CAMK1D: variants seen among roughly 807,000 people sequenced by gnomAD.
CAMK1D encodes the protein calcium/calmodulin dependent protein kinase ID.
CAMK1D carries 9 observed loss-of-function variants against 47.7 expected under a neutral mutation model. The ratio of observed to expected loss-of-function variants is 0.19; its 90% CI spans 0.11 to 0.33. The LOEUF is 0.33. Among genes scored for constraint, CAMK1D ranks in the 10% least tolerant of loss-of-function variants. The pLI is 1.00. For synonymous variants in CAMK1D, 184 were observed against 184.9 expected, an observed-to-expected ratio of 0.99 and a Z score of 0.04; for missense variants, 291 against 488.7, an observed-to-expected ratio of 0.60 and a Z score of 3.81.
chr10:12,693,781 A>G (rs1833029652), intron 3 of CAMK1D, among the ~76,000 whole-genome samples: 2 of 148,796 alleles, frequency 1.3e-5, no homozygotes, highest in Non-Finnish European at 3.0e-5. Context: ...CAATTCCTCA[A>G]AATAAATCCT....
intron 5 of CAMK1D, among the ~76,000 whole-genome samples, chr10:12,789,280 C>T (rs1473045819): frequency 6.7e-6 from 1 of 148,876 alleles, no homozygotes; most frequent in Non-Finnish European, 1.5e-5. Context: ...AGGCCCAAGA[C>T]AATTCTTCTT....
intron 2 of CAMK1D, among the ~76,000 whole-genome samples, chr10:12,571,262 C>T (rs1248269184): frequency 1.4e-5 from 2 of 142,970 alleles, no homozygotes; most frequent in South Asian, 2.1e-4. Context: ...CTGGCCAGCA[C>T]AGTGAAACCC....
Position 12,600,719 on chromosome 10 carries a change from A to G in CAMK1D, c.224+47363A>G, listed in dbSNP as rs139340427. Among the ~76,000 whole-genome samples, 300 of 152,340 alleles carry G rather than the reference A, an allele frequency of 2.0e-3. 1 individual carries two copies. The highest frequency in any genetic ancestry group is 6.8e-3 in the African/African-American group (282 of 41,580). ...TGAATTCTGAGCTTTTGGTGTAACC[A>G]TCACCCAAATCATGTACATTGTACC... On this transcript the variant is annotated intron_variant, in intron 2 of 10. Coordinates refer to ENST00000619168, the MANE Select transcript of CAMK1D (RefSeq NM_153498.4).
chr10:12,389,473 G>A (rs893651665), intron 1 of CAMK1D, among the ~76,000 whole-genome samples: 2 of 152,154 alleles, frequency 1.3e-5, no homozygotes, highest in African/African-American at 4.8e-5. Context: ...AGGGTCGAGG[G>A]CTTGGAGCAT....
chr10:12,753,920 C>T (rs547713960), intron 3 of CAMK1D, among the ~76,000 whole-genome samples: 4 of 152,192 alleles, frequency 2.6e-5, no homozygotes, highest in South Asian at 2.1e-4. Flanking sequence ...GACAGAGTTT[C>T]GCTCTTGTTG....
At position 12,666,825 on chromosome 10, in the gene CAMK1D, T is replaced by C; in HGVS notation, c.299+15T>C. 1 of 1,605,848 alleles carries C rather than the reference T, an allele frequency of 6.2e-7. No homozygotes were observed. Among genetic ancestry groups the C allele is most frequent in the East Asian group, 2.2e-5 (1 of 44,834 alleles). ...GTCATGCAGCTGTAAGTACCTTGTTTGATTGATGAGTTTTGAACCAACTTG... is the reference window on the plus strand; with the variant it reads ...GTCATGCAGCTGTAAGTACCTTGTTCGATTGATGAGTTTTGAACCAACTTG... On this transcript the variant is annotated intron_variant, in intron 3 of 10. Transcript: ENST00000619168.
At chr10:12,665,728 A>G (rs574503561) in intron 2 of CAMK1D, among the ~76,000 whole-genome samples, 3 of 152,362 alleles carry the variant, frequency 2.0e-5, no homozygotes, top group South Asian at 4.1e-4. Flanking sequence ...GCCAACGGCT[A>G]GAATTCGGCT....
chr10:12,822,564 C>A (rs975050589), intron 8 of CAMK1D, among the ~76,000 whole-genome samples: 4 of 152,254 alleles, frequency 2.6e-5, no homozygotes, highest in Admixed American at 6.5e-5. Flanking sequence ...TCTCCCCGAC[C>A]CCAGCACCAG....
intron 1 of CAMK1D, among the ~76,000 whole-genome samples, chr10:12,400,428 G>T (rs1015915055): frequency 2.0e-5 from 3 of 152,152 alleles, no homozygotes; most frequent in African/African-American, 7.2e-5. Context: ...TTTATTATTT[G>T]ACTATAGCTT....
chr10:12,509,683 T>A lies in CAMK1D; in HGVS notation c.93-43542T>A, dbSNP rs1336182973. On this transcript the variant is annotated intron_variant, in intron 1 of 10. Coordinates refer to ENST00000619168, the MANE Select transcript of CAMK1D (RefSeq NM_153498.4). Reference sequence around the variant, plus strand: ...GGAGGATGAATTGAGCCTGGGAGGTTGAGGCTGCAGTGAGCCATAAGGGCA... The same window carrying A: ...GGAGGATGAATTGAGCCTGGGAGGTAGAGGCTGCAGTGAGCCATAAGGGCA... Among the ~76,000 whole-genome samples the A allele has an allele frequency of 5.9e-5, 9 of 152,154 alleles. 1 individual carries two copies. Among genetic ancestry groups the A allele is most frequent in the Admixed American group, 5.9e-4 (9 of 15,282 alleles).
chr10:12,651,365 TC>T (rs1346638547), intron 2 of CAMK1D, among the ~76,000 whole-genome samples: 3 of 152,168 alleles, frequency 2.0e-5, no homozygotes, highest in Non-Finnish European at 4.4e-5. Context: ...GTTGGCTTCT[TC>T]CTGATTTTAA....
rs939350500 is a variant in CAMK1D at position 12,539,479 on chromosome 10, G to A, written c.93-13746G>A. ...TTAATCATGAACATTCTGTCCCGTC[G>A]TTGCTTCACCATTCAGGTTTTGCCA... On this transcript the variant is annotated intron_variant, in intron 1 of 10. Coordinates refer to ENST00000619168, the MANE Select transcript of CAMK1D (RefSeq NM_153498.4). Among the ~76,000 whole-genome samples, 10 of 152,166 alleles carry A rather than the reference G, an allele frequency of 6.6e-5. No individual in the cohort carries two copies. The East Asian group carries it at 1.2e-3, about 18-fold the overall frequency.
chr10:12,796,692 A>G (rs1353082147), intron 6 of CAMK1D, among the ~76,000 whole-genome samples: 1 of 152,014 alleles, frequency 6.6e-6, no homozygotes, highest in Non-Finnish European at 1.5e-5. Context: ...TTTAATAGGG[A>G]CTGTTCACTG....
intron 1 of CAMK1D, among the ~76,000 whole-genome samples, chr10:12,499,450 A>G (rs1302095882): frequency 6.6e-6 from 1 of 152,182 alleles, no homozygotes; most frequent in East Asian, 1.9e-4. Context: ...ATGAAAAAAG[A>G]AAGATGTGTC....
rs550936384 is a variant in CAMK1D at position 12,715,385 on chromosome 10, C to T, written c.300-45563C>T. ...TATCTTCATTTCTTATCACTAGCTGCTTCAGGTGCATTTTATCATTTTCCT... is the reference window on the plus strand; with the variant it reads ...TATCTTCATTTCTTATCACTAGCTGTTTCAGGTGCATTTTATCATTTTCCT... On this transcript the variant is annotated intron_variant, in intron 3 of 10. Coordinates refer to ENST00000619168, the MANE Select transcript of CAMK1D (RefSeq NM_153498.4). Among the ~76,000 whole-genome samples the T allele has an allele frequency of 9.9e-4, 151 of 152,314 alleles. 1 individual carries two copies. Among genetic ancestry groups the T allele is most frequent in the African/African-American group, 3.4e-3 (142 of 41,562 alleles).
chr10:12,824,590 C>A, intron 9 of CAMK1D, 38 bp downstream of exon 9: 4 of 1,475,564 alleles, frequency 2.7e-6, no homozygotes, highest in South Asian at 1.1e-5. Flanking sequence ...GTGGATTAAC[C>A]CCCTCGTGAC....
At chr10:12,758,045 T>C (rs1408572238) in intron 3 of CAMK1D, among the ~76,000 whole-genome samples, 1 of 152,108 alleles carries the variant, frequency 6.6e-6, no homozygotes, top group Non-Finnish European at 1.5e-5. Context: ...GAGACTGGTT[T>C]TCACCATGTT....
At chr10:12,710,690 C>G (rs1833904914) in intron 3 of CAMK1D, among the ~76,000 whole-genome samples, 1 of 152,146 alleles carries the variant, frequency 6.6e-6, no homozygotes, top group Non-Finnish European at 1.5e-5. Flanking sequence ...AGTGAAAATG[C>G]AACCTTAGGA....
chr10:12,772,950 C>T (rs1394652353), intron 5 of CAMK1D, among the ~76,000 whole-genome samples: 1 of 152,092 alleles, frequency 6.6e-6, no homozygotes, highest in Non-Finnish European at 1.5e-5. Context: ...TGGGCTGTTT[C>T]CTCCCTTGCA....
Sources: gnomAD v4.1 joint callset for allele counts (sites outside exome capture counted in the v4.1 genomes callset) on GRCh38, gnomAD v4.1.1 for gene constraint, MANE v1.5 for transcripts, NCBI Gene and HGNC (gene_info 2026-07-23, HGNC 2026-07-21) for gene names.